ADAMTSL3: variants seen among roughly 807,000 people sequenced by gnomAD.
ADAMTSL3 encodes ADAMTS like 3, also known as ADAMTS-like protein 3.
A neutral mutation model predicts 201.7 loss-of-function variants in ADAMTSL3; 128 were observed. The ratio of observed to expected loss-of-function variants is 0.63; its 90% CI spans 0.55 to 0.73. The LOEUF is 0.73. Ranked by LOEUF, ADAMTSL3 falls within the 30% of genes least tolerant of loss-of-function variation. The pLI, the probability that ADAMTSL3 is intolerant of heterozygous loss-of-function variation, is 0.00. For synonymous variants in ADAMTSL3, 738 were observed against 748.4 expected (o/e 0.99, Z 0.23); for missense variants, 1,990 against 2,119.6 (o/e 0.94, Z 1.20).
At chr15:84,014,341 T>C (rs925897722) in intron 23 of ADAMTSL3, among the ~76,000 whole-genome samples, 4 of 152,174 alleles carry the variant, frequency 2.6e-5, no homozygotes, top group Admixed American at 2.6e-4. Flanking sequence ...ACATGCCCTG[T>C]AGACCAAAGC....
rs267604348 is a variant in ADAMTSL3 at position 83,897,885 on chromosome 15, C to T, written c.1495C>T (p.Arg499Trp). The change falls in exon 14 of 30, where the codon CGG (arginine) becomes TGG (tryptophan). Residue 499 changes from arginine (R) to tryptophan (W), a missense_variant. Physicochemically the swap from Arg to Trp is moderately radical, Grantham distance 101 (BLOSUM62 -3). Coordinates refer to ENST00000286744, the MANE Select transcript of ADAMTSL3 (RefSeq NM_207517.3). ...CACAGTGACTTGTGGCCGAGGGTTA[C>T]GGTACCGGGTTGTTCTGTGTATTAA... ...QCTVTCGRGLRYRVVLCINHR... is the reference protein window; with the variant it reads ...QCTVTCGRGLWYRVVLCINHR... 116 of 1,607,706 alleles carry T rather than the reference C, an allele frequency of 7.2e-5. No homozygotes were observed. Among genetic ancestry groups the T allele is most frequent in the African/African-American group, 5.3e-5 (4 of 74,788 alleles).
intron 2 of ADAMTSL3, among the ~76,000 whole-genome samples, chr15:83,692,685 C>CAG (rs1555430681): frequency 4.6e-5 from 2 of 43,316 alleles, no homozygotes; most frequent in African/African-American, 1.7e-4. Flanking sequence ...GACTCCATCT[C>CAG]AAAAAAAAAA....
chr15:83,969,438 A>C (rs772029247), intron 19 of ADAMTSL3, among the ~76,000 whole-genome samples: 2 of 152,232 alleles, frequency 1.3e-5, no homozygotes, highest in Non-Finnish European at 2.9e-5. Flanking sequence ...ACAGAGCAAG[A>C]ATCCATCTCA....
intron 3 of ADAMTSL3, among the ~76,000 whole-genome samples, chr15:83,724,286 A>G (rs943727069): frequency 2.7e-4 from 41 of 151,838 alleles, no homozygotes; most frequent in African/African-American, 9.7e-4. Flanking sequence ...TTTAGTAGAG[A>G]CACGGGTTTC....
At chr15:83,944,399 G>A (rs1222564529) in intron 19 of ADAMTSL3, among the ~76,000 whole-genome samples, 1 of 152,104 alleles carries the variant, frequency 6.6e-6, no homozygotes, top group African/African-American at 2.4e-5. Context: ...CTGCTAACTG[G>A]TAGGTATCTT....
chr15:83,928,841 G>A (rs1376172356), intron 17 of ADAMTSL3, among the ~76,000 whole-genome samples: 1 of 152,152 alleles, frequency 6.6e-6, no homozygotes, highest in Non-Finnish European at 1.5e-5. Context: ...ACTTTATCAT[G>A]AAACCTGAGT....
At chr15:84,005,343 G>T (rs1567296391) in intron 23 of ADAMTSL3, among the ~76,000 whole-genome samples, 1 of 152,190 alleles carries the variant, frequency 6.6e-6, no homozygotes, top group Admixed American at 6.5e-5. Context: ...TGATTATCAG[G>T]AAGGGCCTCA....
At chr15:83,685,525 T>C (rs566654105) in intron 2 of ADAMTSL3, among the ~76,000 whole-genome samples, 2 of 152,324 alleles carry the variant, frequency 1.3e-5, no homozygotes, top group African/African-American at 4.8e-5. Context: ...TTTAAAGAAA[T>C]CCCTTCTTAC....
intron 2 of ADAMTSL3, among the ~76,000 whole-genome samples, chr15:83,680,572 T>G (rs2141422351): frequency 6.6e-6 from 1 of 151,828 alleles, no homozygotes; most frequent in East Asian, 1.9e-4. Flanking sequence ...ATATTTTTTC[T>G]TCTCTTTTAG....
chr15:84,019,453 T>C (rs2068154930), intron 25 of ADAMTSL3, among the ~76,000 whole-genome samples: 1 of 152,144 alleles, frequency 6.6e-6, no homozygotes, highest in African/African-American at 2.4e-5. Context: ...GTTCAACTTA[T>C]TGATAATAGT....
At chr15:84,018,599 A>G (rs1001046766) in intron 25 of ADAMTSL3, among the ~76,000 whole-genome samples, 1 of 152,210 alleles carries the variant, frequency 6.6e-6, no homozygotes, top group Non-Finnish European at 1.5e-5. Flanking sequence ...AAAAATGAGA[A>G]AGAAGCAAAG....
At chr15:84,018,411 G>A (rs1402957580) in intron 25 of ADAMTSL3, among the ~76,000 whole-genome samples, 2 of 152,088 alleles carry the variant, frequency 1.3e-5, no homozygotes, top group African/African-American at 2.4e-5. Flanking sequence ...CATTCCAGTA[G>A]GAAAGATGCA....
At chr15:83,756,940 C>G (rs1463596333) in intron 3 of ADAMTSL3, among the ~76,000 whole-genome samples, 3 of 152,224 alleles carry the variant, frequency 2.0e-5, no homozygotes, top group African/African-American at 7.2e-5. Context: ...TCTCTCACAT[C>G]CAGGTCACGC....
At chr15:83,897,048 C>A (rs1309085133) in intron 13 of ADAMTSL3, among the ~76,000 whole-genome samples, 1 of 152,136 alleles carries the variant, frequency 6.6e-6, no homozygotes, top group African/African-American at 2.4e-5. Context: ...TACCAGGTCC[C>A]TCCCATGACA....
chr15:83,669,248 C>T (rs983597445), intron 2 of ADAMTSL3, among the ~76,000 whole-genome samples: 5 of 152,070 alleles, frequency 3.3e-5, no homozygotes, highest in African/African-American at 4.8e-5. Context: ...TGGGTTCAAG[C>T]GATTCTCCTG....
intron 24 of ADAMTSL3, 31 bp downstream of exon 24, chr15:84,014,755 T>C: frequency 6.3e-7 from 1 of 1,580,216 alleles, no homozygotes; most frequent in Non-Finnish European, 8.6e-7. Flanking sequence ...GCTCCTTAAG[T>C]GCCTCCTGTA....
chr15:83,891,477 T>C (rs1034353813), intron 12 of ADAMTSL3, 98 bp downstream of exon 12: 83 of 996,238 alleles, frequency 8.3e-5, no homozygotes, highest in Admixed American at 9.3e-5. Flanking sequence ...GGGTTAGATA[T>C]TAAATACTTT....
chr15:83,826,069 G>A (rs1411267108), intron 6 of ADAMTSL3, among the ~76,000 whole-genome samples: 1 of 152,142 alleles, frequency 6.6e-6, no homozygotes, highest in Middle Eastern at 3.2e-3. Flanking sequence ...AAGGCAAGAG[G>A]TAGGATGAAT....
chr15:83,949,130 C>G (rs2066713039), intron 19 of ADAMTSL3, among the ~76,000 whole-genome samples: 1 of 152,072 alleles, frequency 6.6e-6, no homozygotes, highest in Non-Finnish European at 1.5e-5. Context: ...ATTTTTTGTA[C>G]TCATTAACCA....
Sources: gnomAD v4.1 joint callset for allele counts (sites outside exome capture counted in the v4.1 genomes callset) on GRCh38, gnomAD v4.1.1 for gene constraint, MANE v1.5 for transcripts, NCBI Gene and HGNC (gene_info 2026-07-23, HGNC 2026-07-21) for gene names.